Variants in CCT2 observed in about 807,000 individuals in gnomAD.
CCT2 encodes the protein T-complex protein 1 subunit beta.
CCT2 carries 18 observed loss-of-function variants against 61.8 expected under a neutral mutation model. The observed-to-expected ratio is 0.29, with a 90% confidence interval of 0.20 to 0.43. CCT2 has a LOEUF of 0.43. Among genes scored for constraint, CCT2 ranks in the 20% least tolerant of loss-of-function variants. The probability of loss-of-function intolerance (pLI) is 1.00; values close to 1 mark genes in which losing one functional copy is unlikely to be tolerated. For missense variants in CCT2, 556 were observed against 656.9 expected, an observed-to-expected ratio of 0.85 and a Z score of 1.68; for synonymous variants, 248 against 215.9, an observed-to-expected ratio of 1.15 and a Z score of -1.30.
rs201402950 is a variant in CCT2, at chr12:69,598,121, T to C, written c.1335+50T>C. 2.5e-4 allele frequency: 349 copies of C among 1,373,744 alleles called. 1 individual carries two copies. Among genetic ancestry groups the C allele is most frequent in the Non-Finnish European group, 3.1e-4 (298 of 969,934 alleles). 85.1% of individuals were successfully genotyped at this position (1,373,744 alleles called of 1,614,324 possible). A position where few individuals can be genotyped will look rare whatever the true frequency, so the allele number is the denominator to read the frequency against. On this transcript the variant is annotated intron_variant, in intron 13 of 15. Transcript: ENST00000299300. ...CGAACTTAAGTTTTGTGGTTATTGATAGTTTTAAAATGAGTAGAAAATGAA... is the reference window on the plus strand; with the variant it reads ...CGAACTTAAGTTTTGTGGTTATTGACAGTTTTAAAATGAGTAGAAAATGAA...
At chr12:69,599,312 C>T (rs1379875034) in intron 14 of CCT2, among the ~76,000 whole-genome samples, 2 of 152,162 alleles carry the variant, frequency 1.3e-5, no homozygotes, top group African/African-American at 2.4e-5. Flanking sequence ...AGGCTGGCCT[C>T]AAGCAATCCT....
Position 69,589,618 on chromosome 12 carries a change from G to A in CCT2, c.580G>A (p.Gly194Ser). ...VEAVLRLKGS[G>S]NLEAIHIIKK... ...AGCAGTTCTCAGACTGAAAGGCTCT[G>A]GCAACCTGGAGGCAATTCATATTAT... Residue 194 changes from glycine to serine, a missense_variant, in exon 7 of 16, where the codon GGC (glycine) becomes AGC (serine). By Grantham distance (56) the Gly-to-Ser change is moderately conservative. Around this residue, in one of 3 missense-constraint regions of CCT2, gnomAD observed 308 missense variants for 350.6 expected, o/e 0.88. Coordinates refer to ENST00000299300, the MANE Select transcript of CCT2 (RefSeq NM_006431.3). The A allele has an allele frequency of 6.2e-7, 1 of 1,614,056 alleles. No homozygotes were observed. The highest frequency in any genetic ancestry group is 1.1e-5 in the South Asian group (1 of 91,090).
chr12:69,587,718 TGATGTC>T (rs1881707146), intron 4 of CCT2, 102 bp downstream of exon 4: 1 of 769,900 alleles, frequency 1.3e-6, no homozygotes. Context: ...TACTGTCAAT[TGATGTC>T]CACTAGTTGT....
chr12:69,594,083 C>T (rs753648960), intron 10 of CCT2, among the ~76,000 whole-genome samples: 2 of 151,500 alleles, frequency 1.3e-5, no homozygotes, highest in Non-Finnish European at 2.9e-5. Context: ...AGGTTGCAGT[C>T]AGCGGAGATC....
intron 10 of CCT2, among the ~76,000 whole-genome samples, chr12:69,594,827 C>T (rs1881939758): frequency 7.0e-6 from 1 of 143,338 alleles, no homozygotes; most frequent in Non-Finnish European, 1.5e-5. Context: ...TCCTAAGTGA[C>T]AGAGCAAGAC....
rs765698025 is a variant in CCT2 at position 69,586,831 on chromosome 12, GAA to G, written c.144+16_144+17del. ...ACCCAAAGGCATGGTAAGAAAAATA[GAA>G]AAGTTTTATATTTTAATATTGTTTT... On this transcript the variant is annotated intron_variant, in intron 3 of 15. Coordinates refer to ENST00000299300, the MANE Select transcript of CCT2 (RefSeq NM_006431.3). The G allele has an allele frequency of 1.0e-5, 16 of 1,529,514 alleles. No homozygotes were observed. The highest frequency in any genetic ancestry group is 1.7e-4 in the Middle Eastern group (1 of 5,790). The allele number at this position is 1,529,514 out of a possible 1,614,324, so 94.7% of individuals were successfully genotyped here. A position where few individuals can be genotyped will look rare whatever the true frequency, so the allele number is the denominator to read the frequency against.
intron 13 of CCT2, 33 bp from the exon 14 acceptor site, chr12:69,598,289 G>A (rs758070289): frequency 7.0e-7 from 1 of 1,424,632 alleles, no homozygotes; most frequent in Non-Finnish European, 9.7e-7. Flanking sequence ...TTACAGTAGA[G>A]TGAGTAGTTA....
At chr12:69,592,022 A>C in intron 7 of CCT2, 37 bp from the exon 8 acceptor site, 1 of 1,122,368 alleles carries the variant, frequency 8.9e-7, no homozygotes, top group Non-Finnish European at 1.3e-6. Context: ...GCTGCTTTGA[A>C]GTATTAAATA....
chr12:69,599,754 G>C, intron 14 of CCT2, 109 bp from the exon 15 acceptor site: 1 of 854,648 alleles, frequency 1.2e-6, no homozygotes. Flanking sequence ...GAGTAAAGTA[G>C]TTGGGTGTCC....
At chr12:69,586,880 A>T in intron 3 of CCT2, 62 bp downstream of exon 3, 1 of 967,904 alleles carries the variant, frequency 1.0e-6, no homozygotes, top group South Asian at 1.6e-5. Flanking sequence ...TGGAAATATA[A>T]TAACAAGCGT....
intron 10 of CCT2, among the ~76,000 whole-genome samples, chr12:69,595,426 C>G (rs192389231): frequency 6.6e-6 from 1 of 152,104 alleles, no homozygotes; most frequent in Non-Finnish European, 1.5e-5. Context: ...TGGTGGCTCA[C>G]GCCTTTAATC....
In CCT2 at chr12:69,586,783, G is replaced by A; in HGVS notation, c.109G>A (p.Asp37Asn). Residue 37 changes from aspartate (D) to asparagine (N), a missense_variant, in exon 3 of 16, where the codon GAC becomes AAC. Asp to Asn is a conservative substitution (Grantham distance 23). This residue lies in a region of CCT2 where 308 missense variants were observed against 350.6 expected (regional missense o/e 0.88). Coordinates refer to ENST00000299300, the MANE Select transcript of CCT2 (RefSeq NM_006431.3). ...TTTTATTGGTGCCATCGCCATTGGA[G>A]ACTTGGTAAAGAGCACCTTGGGACC... Reference protein sequence around the residue: ...TSFIGAIAIGDLVKSTLGPKG... With the variant: ...TSFIGAIAIGNLVKSTLGPKG... 1.2e-6 allele frequency: 2 copies of A among 1,601,390 alleles called. No homozygotes were observed. Among genetic ancestry groups the A allele is most frequent in the Non-Finnish European group, 1.7e-6 (2 of 1,175,594 alleles).
chr12:69,590,890 T>C (rs965801736), intron 7 of CCT2, among the ~76,000 whole-genome samples: 7 of 151,006 alleles, frequency 4.6e-5, no homozygotes, highest in Non-Finnish European at 7.4e-5. Context: ...CTAACTTTTT[T>C]GTATTTTTAG....
chr12:69,591,030 T>A (rs1339429113), intron 7 of CCT2, among the ~76,000 whole-genome samples: 1 of 152,284 alleles, frequency 6.6e-6, no homozygotes, highest in African/African-American at 2.4e-5. Context: ...CTGCGTAGCA[T>A]TTCTGATAGG....
intron 4 of CCT2, 81 bp from the exon 5 acceptor site, chr12:69,587,848 GT>G (rs1428843595): frequency 8.9e-7 from 1 of 1,129,326 alleles, no homozygotes; most frequent in African/African-American, 1.5e-5. Flanking sequence ...ACCCTGGTAA[GT>G]TTAGATTGGT....
At chr12:69,600,139 T>C (rs985434841) in intron 15 of CCT2, 135 bp downstream of exon 15, 3 of 839,106 alleles carry the variant, frequency 3.6e-6, no homozygotes, top group Non-Finnish European at 3.5e-6. Context: ...ATTTAAAATA[T>C]CACAACTCTT....
rs484319 is a variant in CCT2, at chr12:69,586,361, G to T, written c.78+17G>T. 13 of 1,583,288 alleles carry T rather than the reference G, an allele frequency of 8.2e-6. No individual in the cohort carries two copies. The highest frequency in any genetic ancestry group is 1.1e-5 in the Non-Finnish European group (13 of 1,152,516). On this transcript the variant is annotated intron_variant, in intron 2 of 15. Coordinates refer to ENST00000299300, the MANE Select transcript of CCT2 (RefSeq NM_006431.3). ...GCTCGTCTGGTAAGCCTTGTTCTAA[G>T]CATTGTTTTAAAGATAAAACTGGAG...
Position 69,598,438 on chromosome 12 carries a change from A to C in CCT2, c.1435+17A>C. ...CTGGATTGGGTAAGCAATCAAGGGGAACTTTGTGGCCGTTGTTAAAAGTAA... is the reference window on the plus strand; with the variant it reads ...CTGGATTGGGTAAGCAATCAAGGGGCACTTTGTGGCCGTTGTTAAAAGTAA... On this transcript the variant is annotated intron_variant, in intron 14 of 15. Coordinates refer to ENST00000299300, the MANE Select transcript of CCT2 (RefSeq NM_006431.3). 2.0e-6 allele frequency: 3 copies of C among 1,496,656 alleles called. No homozygotes were observed. The highest frequency in any genetic ancestry group is 2.7e-6 in the Non-Finnish European group (3 of 1,108,458). 92.7% of individuals were successfully genotyped at this position (1,496,656 alleles called of 1,614,324 possible).
At chr12:69,599,109 A>T (rs1882077761) in intron 14 of CCT2, among the ~76,000 whole-genome samples, 1 of 152,170 alleles carries the variant, frequency 6.6e-6, no homozygotes, top group South Asian at 2.1e-4. Context: ...TAACTGACAC[A>T]ATGGTCTTGC....
Sources: allele counts gnomAD v4.1 joint callset (sites outside exome capture counted in the v4.1 genomes callset), GRCh38; gene constraint gnomAD v4.1.1; regional missense constraint gnomAD v4.1.1; transcripts MANE v1.5; gene names NCBI Gene and HGNC (gene_info 2026-07-23, HGNC 2026-07-21).